MRPS18C: variants seen among roughly 807,000 people sequenced by gnomAD.
MRPS18C encodes small ribosomal subunit protein bS18m.
MRPS18C carries 21 observed loss-of-function variants against 21.0 expected under a neutral mutation model. The observed-to-expected ratio is 1.00, with a 90% CI of 0.71 to 1.44. MRPS18C has a LOEUF of 1.44. Ranked by LOEUF, MRPS18C falls within the 40% of genes most tolerant of loss-of-function variation. MRPS18C has a pLI of 0.00. For missense variants in MRPS18C, 152 were observed against 171.5 expected (o/e 0.89, Z 0.64); for synonymous variants, 65 against 54.3 (o/e 1.20, Z -0.87).
At chr4:83,457,293 A>G (rs1183993125) in intron 2 of MRPS18C, 1 of 200,998 alleles carries the variant, frequency 5.0e-6, no homozygotes, top group African/African-American at 2.3e-5. Context: ...TTTGTAAGCA[A>G]ATGATATGGG....
At chr4:83,456,425 A>C (rs1721827646) in intron 1 of MRPS18C, among the ~76,000 whole-genome samples, 2 of 152,142 alleles carry the variant, frequency 1.3e-5, no homozygotes, top group Non-Finnish European at 2.9e-5. Flanking sequence ...AGATCTCTGG[A>C]TAATCTTAGT....
chr4:83,461,458 T>C lies in MRPS18C; in HGVS notation c.*261T>C, dbSNP rs1722113591. 2.4e-6 allele frequency: 1 copy of C among 417,346 alleles called. No individual in the cohort carries two copies. The highest frequency in any genetic ancestry group is 4.4e-6 in the Non-Finnish European group (1 of 225,138). 25.9% of individuals were successfully genotyped at this position (417,346 alleles called of 1,614,324 possible). A position where few individuals can be genotyped will look rare whatever the true frequency, so the allele number is the denominator to read the frequency against. ...CCCAAATAGCTCATACAATAATCCA[T>C]TCAATAGAATGGAATTAAAACTGTT... On this transcript the variant is annotated 3_prime_UTR_variant, in exon 6 of 6. Coordinates refer to ENST00000295491, the MANE Select transcript of MRPS18C (RefSeq NM_016067.4).
chr4:83,460,056 C>A, intron 4 of MRPS18C: 1 of 309,324 alleles, frequency 3.2e-6, no homozygotes, highest in Non-Finnish European at 5.9e-6. Flanking sequence ...ATACTATAAT[C>A]ATTCCTAGAT....
At position 83,459,732 on chromosome 4, in the gene MRPS18C, CA is replaced by C; in HGVS notation, c.235-4del. On this transcript the variant is annotated splice_region_variant and splice_polypyrimidine_tract_variant and intron_variant, in intron 3 of 5. Coordinates refer to ENST00000295491, the MANE Select transcript of MRPS18C (RefSeq NM_016067.4). Reference sequence around the variant, plus strand: ...TTTTTTTCCCCTCCACATAAAACTCCAAAACAGCTTTTGTCCCAGTTTGTTT... The same window carrying C: ...TTTTTTTCCCCTCCACATAAAACTCCAAACAGCTTTTGTCCCAGTTTGTTT... 1 of 1,607,194 alleles carries C rather than the reference CA, an allele frequency of 6.2e-7. No homozygotes were observed. Among genetic ancestry groups the C allele is most frequent in the South Asian group, 1.1e-5 (1 of 89,494 alleles).
At position 83,461,702 on chromosome 4, in the gene MRPS18C, C is replaced by G. The variant is rs1392057604; in HGVS notation, c.*505C>G. 1 of 240,930 alleles carries G rather than the reference C, an allele frequency of 4.2e-6. No individual in the cohort carries two copies. The highest frequency in any genetic ancestry group is 6.0e-5 in the East Asian group (1 of 16,714). The allele number at this position is 240,930 out of a possible 1,614,324, so 14.9% of individuals were successfully genotyped here. On this transcript the variant is annotated 3_prime_UTR_variant, in exon 6 of 6. Coordinates refer to ENST00000295491, the MANE Select transcript of MRPS18C (RefSeq NM_016067.4). ...ACATACATGTATATATGTATCAGTT[C>G]TGAGTTCCACTGGCCTATCCCAAAT...
At position 83,461,762 on chromosome 4, in the gene MRPS18C, T is replaced by G. The variant is rs989459128; in HGVS notation, c.*565T>G. The G allele has an allele frequency of 4.4e-6, 1 of 228,324 alleles. No individual in the cohort carries two copies. The highest frequency in any genetic ancestry group is 8.7e-6 in the Non-Finnish European group (1 of 115,164). 14.1% of individuals were successfully genotyped at this position (228,324 alleles called of 1,614,324 possible). A position where few individuals can be genotyped will look rare whatever the true frequency, so the allele number is the denominator to read the frequency against. On this transcript the variant is annotated 3_prime_UTR_variant, in exon 6 of 6. Transcript: ENST00000295491. Reference sequence around the variant, plus strand: ...TACCAGGCTTGTACTGTATTCAAAATGATAGATTTGCTAAATTTCATGCAA... The same window carrying G: ...TACCAGGCTTGTACTGTATTCAAAAGGATAGATTTGCTAAATTTCATGCAA...
Position 83,456,166 on chromosome 4 carries a change from G to T in MRPS18C, c.89G>T (p.Gly30Val). The change falls in exon 1 of 6, where the codon GGG (glycine) becomes GTG (valine). Residue 30 changes from glycine to valine, a missense_variant. Coordinates refer to ENST00000295491, the MANE Select transcript of MRPS18C (RefSeq NM_016067.4). ...GCTGCTGTCAGCCTTACACATCCCGGGACTCACACGGGTAAAGTCTCCATA... is the reference window on the plus strand; with the variant it reads ...GCTGCTGTCAGCCTTACACATCCCGTGACTCACACGGGTAAAGTCTCCATA... ...VTAAVSLTHPGTHTVLWRRGC... is the reference protein window; with the variant it reads ...VTAAVSLTHPVTHTVLWRRGC... 6.2e-7 allele frequency: 1 copy of T among 1,613,674 alleles called. No individual in the cohort carries two copies. Among genetic ancestry groups the T allele is most frequent in the Non-Finnish European group, 8.5e-7 (1 of 1,179,694 alleles).
At chr4:83,459,137 ACT>A (rs1300036782) in intron 3 of MRPS18C, 1 of 139,970 alleles carries the variant, frequency 7.1e-6, no homozygotes, top group Non-Finnish European at 1.5e-5. Flanking sequence ...CAAGAGTAAA[ACT>A]CTGTCAAAAA....
chr4:83,456,407 C>G (rs1371162569), intron 1 of MRPS18C, among the ~76,000 whole-genome samples: 1 of 152,172 alleles, frequency 6.6e-6, no homozygotes, highest in African/African-American at 2.4e-5. Context: ...AAAGCAGAGA[C>G]TTTCCTAAGA....
intron 1 of MRPS18C, among the ~76,000 whole-genome samples, chr4:83,456,401 CAG>C (rs1407025386): frequency 6.6e-6 from 1 of 152,240 alleles, no homozygotes; most frequent in Admixed American, 6.5e-5. Context: ...TCTTAAAAAG[CAG>C]AGACTTTCCT....
chr4:83,456,953 G>T lies in MRPS18C; in HGVS notation c.145G>T (p.Asp49Tyr). Residue 49 changes from aspartate (D) to tyrosine (Y), a missense_variant, in exon 2 of 6, where the codon GAC becomes TAC. Physicochemically the swap from Asp to Tyr is radical, Grantham distance 160. Coordinates refer to ENST00000295491, the MANE Select transcript of MRPS18C (RefSeq NM_016067.4). ...TTCACAACAGGTATCCAGCAATGAG[G>T]ACCTGGTAAGAATTTTTTTTTCTAT... ...GCSQQVSSNE[D>Y]LPISMENPYK... is the part of the protein sequence containing the mutation. 6.2e-7 allele frequency: 1 copy of T among 1,611,562 alleles called. No individual in the cohort carries two copies. The highest frequency in any genetic ancestry group is 1.1e-5 in the South Asian group (1 of 90,668).
chr4:83,456,838 T>G (rs1321754821), intron 1 of MRPS18C, 71 bp from the exon 2 acceptor site: 27 of 1,535,300 alleles, frequency 1.8e-5, no homozygotes, highest in Middle Eastern at 2.3e-4. Flanking sequence ...CCTGTCTCCA[T>G]AAAAACAAAA....
In MRPS18C at chr4:83,460,978, T is replaced by C. The variant is rs1183925152; in HGVS notation, c.298T>C (p.Cys100Arg). Residue 100 changes from cysteine to arginine, a missense_variant, in exon 5 of 6, where the codon TGT (cysteine) becomes CGT (arginine). By Grantham distance (180) the Cys-to-Arg change is radical. Coordinates refer to ENST00000295491, the MANE Select transcript of MRPS18C (RefSeq NM_016067.4). ...GAAAGCTTTTTATTTTACAGGTCTT[T>C]GTGGGAAGAAACAGAAAGAAATCAC... Reference protein sequence around the residue: ...CIYGRHITGLCGKKQKEITKA... With the variant: ...CIYGRHITGLRGKKQKEITKA... 4 of 1,604,676 alleles carry C rather than the reference T, an allele frequency of 2.5e-6. No individual in the cohort carries two copies. The highest frequency in any genetic ancestry group is 3.4e-6 in the Non-Finnish European group (4 of 1,177,622).
chr4:83,457,129 A>G, intron 2 of MRPS18C, 171 bp downstream of exon 2: 1 of 556,620 alleles, frequency 1.8e-6, no homozygotes, highest in Non-Finnish European at 3.1e-6. Flanking sequence ...AGAAATGATG[A>G]TGAATTGATT....
Position 83,461,046 on chromosome 4 carries a change from C to A in MRPS18C, c.352+14C>A. On this transcript the variant is annotated intron_variant, in intron 5 of 5. Transcript: ENST00000295491. ...CTCAAATAATGGGTAAGAAAGAATA[C>A]CTCAACAACTGAATTGAGCTAGCTG... The A allele has an allele frequency of 6.2e-7, 1 of 1,612,112 alleles. No homozygotes were observed. The highest frequency in any genetic ancestry group is 8.5e-7 in the Non-Finnish European group (1 of 1,178,638).
chr4:83,457,088 GACA>G (rs1238987915), intron 2 of MRPS18C, 130 bp downstream of exon 2: 7 of 694,368 alleles, frequency 1.0e-5, no homozygotes, highest in Non-Finnish European at 1.6e-5. Context: ...TCTGCCGTAG[GACA>G]AAACAATTTG....
At chr4:83,459,862 T>C (rs1722014161) in intron 4 of MRPS18C, 65 bp downstream of exon 4, 1 of 1,392,014 alleles carries the variant, frequency 7.2e-7, no homozygotes, top group Non-Finnish European at 9.9e-7. Flanking sequence ...ATTTCTATCA[T>C]TTAAGAAAAC....
At chr4:83,457,450 T>C (rs1721893451) in intron 2 of MRPS18C, 1 of 153,456 alleles carries the variant, frequency 6.5e-6, no homozygotes, top group Admixed American at 6.5e-5. Flanking sequence ...TGACACTAAT[T>C]AGACCATACA....
chr4:83,456,198 G>A (rs1165815123), intron 1 of MRPS18C, 21 bp downstream of exon 1: 5 of 1,603,994 alleles, frequency 3.1e-6, no homozygotes, highest in Non-Finnish European at 4.3e-6. Flanking sequence ...CATATCCTAT[G>A]CTCCATTGTA....
Sources: gnomAD v4.1 joint callset for allele counts (sites outside exome capture counted in the v4.1 genomes callset) on GRCh38, gnomAD v4.1.1 for gene constraint, MANE v1.5 for transcripts, NCBI Gene and HGNC (gene_info 2026-07-23, HGNC 2026-07-21) for gene names.